PSIP1: variants seen among roughly 807,000 people sequenced by gnomAD.
The protein encoded by PSIP1 is PC4 and SRSF1 interacting protein 1.
Under a neutral mutation model 74.7 loss-of-function variants are expected in PSIP1, and 19 were observed. The observed-to-expected ratio is 0.25, with a 90% CI of 0.18 to 0.37. The LOEUF (loss-of-function observed/expected upper bound fraction) is 0.37, where lower values mean the gene tolerates loss of function less well. PSIP1 is among the 10% of genes least tolerant of loss of function. PSIP1 has a pLI of 1.00. For synonymous variants in PSIP1, 222 were observed against 195.3 expected (o/e 1.14, Z -1.14); for missense variants, 601 against 614.3 (o/e 0.98, Z 0.23).
chr9:15,473,920 A>C (rs948266031), intron 9 of PSIP1, 89 bp downstream of exon 9: 11 of 869,294 alleles, frequency 1.3e-5, no homozygotes, highest in African/African-American at 8.1e-5. Flanking sequence ...AAAAACAAAA[A>C]AAAAAACAAA....
intron 6 of PSIP1, among the ~76,000 whole-genome samples, chr9:15,483,486 T>G (rs551953617): frequency 1.3e-5 from 2 of 152,152 alleles, no homozygotes; most frequent in Non-Finnish European, 2.9e-5. Context: ...GCCAACTCCT[T>G]AGAAAGGCCT....
chr9:15,464,995 T>C lies in PSIP1; in HGVS notation c.*525A>G, dbSNP rs993004570. ...GGATAATGTAGCACAATGTAGACTG[T>C]GAGATTAAAATTAACTTTTGATAAA... On this transcript the variant is annotated 3_prime_UTR_variant, in exon 16 of 16. Coordinates refer to ENST00000380733, the MANE Select transcript of PSIP1 (RefSeq NM_033222.5). 7 of 219,298 alleles carry C rather than the reference T, an allele frequency of 3.2e-5. No homozygotes were observed. Among genetic ancestry groups the C allele is most frequent in the African/African-American group, 1.6e-4 (7 of 44,564 alleles). 13.6% of individuals were successfully genotyped at this position (219,298 alleles called of 1,614,324 possible). A position where few individuals can be genotyped will look rare whatever the true frequency, so the allele number is the denominator to read the frequency against.
chr9:15,497,490 C>G (rs1010508570), intron 3 of PSIP1, among the ~76,000 whole-genome samples: 1 of 151,980 alleles, frequency 6.6e-6, no homozygotes, highest in South Asian at 2.1e-4. Flanking sequence ...CCACGCCTGG[C>G]TACTTTTTAT....
chr9:15,508,389 C>G (rs1170397735), intron 2 of PSIP1, among the ~76,000 whole-genome samples: 5 of 152,146 alleles, frequency 3.3e-5, no homozygotes, highest in Admixed American at 3.3e-4. Context: ...AGGGAAAAGA[C>G]AAACACTTCC....
chr9:15,490,157 A>C, intron 3 of PSIP1, 33 bp from the exon 4 acceptor site: 3 of 1,537,078 alleles, frequency 2.0e-6, no homozygotes, highest in Non-Finnish European at 1.7e-6. Flanking sequence ...GTGAGTGCAA[A>C]GCAAGCTCAA....
In PSIP1 at chr9:15,464,699, A is replaced by AACTT. The variant is rs1054135967; in HGVS notation, c.*817_*820dup. On this transcript the variant is annotated 3_prime_UTR_variant, in exon 16 of 16. Transcript: ENST00000380733. ...TTTTTAACAACATTCCTCAAAAATA[A>AACTT]ACTTACTTAGTTTTCAGTTTTAGTT... 3.5e-5 allele frequency: 7 copies of AACTT among 199,314 alleles called. No individual in the cohort carries two copies. The highest frequency in any genetic ancestry group is 1.6e-4 in the East Asian group (2 of 12,672). The allele number at this position is 199,314 out of a possible 1,614,324, so 12.3% of individuals were successfully genotyped here.
intron 4 of PSIP1, among the ~76,000 whole-genome samples, chr9:15,487,735 A>C (rs2036616383): frequency 6.6e-6 from 1 of 152,222 alleles, no homozygotes; most frequent in Non-Finnish European, 1.5e-5. Flanking sequence ...GCCATTCAAC[A>C]AATATTTAGT....
At chr9:15,466,411 C>G (rs1169521868) in intron 15 of PSIP1, among the ~76,000 whole-genome samples, 1 of 152,140 alleles carries the variant, frequency 6.6e-6, no homozygotes, top group South Asian at 2.1e-4. Context: ...AACTGTGATT[C>G]TCCATCTAAC....
chr9:15,471,377 A>C (rs1184855833), intron 10 of PSIP1: 1 of 1,542,296 alleles, frequency 6.5e-7, no homozygotes, highest in African/African-American at 1.4e-5. Context: ...AGAATTTGAG[A>C]AAGTTACATT....
intron 6 of PSIP1, among the ~76,000 whole-genome samples, chr9:15,483,653 T>C (rs1206552887): frequency 6.6e-6 from 1 of 152,194 alleles, no homozygotes; most frequent in East Asian, 1.9e-4. Context: ...CCAGTAAAGT[T>C]AGTACTAAAA....
At chr9:15,508,002 C>T (rs748220131) in intron 2 of PSIP1, among the ~76,000 whole-genome samples, 2 of 152,184 alleles carry the variant, frequency 1.3e-5, no homozygotes, top group Non-Finnish European at 2.9e-5. Context: ...TTCTGTTAAC[C>T]CAGTTCATAT....
At chr9:15,496,922 C>G (rs1484834551) in intron 3 of PSIP1, among the ~76,000 whole-genome samples, 2 of 152,002 alleles carry the variant, frequency 1.3e-5, no homozygotes, top group African/African-American at 2.4e-5. Flanking sequence ...CAAATAATAA[C>G]AAGTGTTGGC....
intron 14 of PSIP1, among the ~76,000 whole-genome samples, chr9:15,467,988 C>T (rs919525563): frequency 3.9e-5 from 6 of 151,990 alleles, no homozygotes; most frequent in African/African-American, 1.2e-4. Context: ...GGTGTGGTGG[C>T]GTATGCCTGT....
chr9:15,474,449 A>ACT (rs1294402426), intron 8 of PSIP1, among the ~76,000 whole-genome samples: 10 of 152,208 alleles, frequency 6.6e-5, no homozygotes, highest in Non-Finnish European at 1.5e-4. Context: ...CTCTTATGGA[A>ACT]CTTAAATTCT....
At chr9:15,496,077 A>G (rs1485802385) in intron 3 of PSIP1, among the ~76,000 whole-genome samples, 2 of 152,224 alleles carry the variant, frequency 1.3e-5, no homozygotes, top group African/African-American at 2.4e-5. Flanking sequence ...TGAGAAACCA[A>G]TGCATGGTGA....
chr9:15,493,647 G>C (rs751713288), intron 3 of PSIP1, among the ~76,000 whole-genome samples: 6 of 152,276 alleles, frequency 3.9e-5, no homozygotes, highest in Non-Finnish European at 8.8e-5. Context: ...GCATGGCTGG[G>C]GAGGCCTCAG....
intron 6 of PSIP1, 103 bp downstream of exon 6, chr9:15,485,903 A>C: frequency 9.4e-7 from 1 of 1,068,814 alleles, no homozygotes; most frequent in Non-Finnish European, 1.4e-6. Flanking sequence ...AGGGTTTAGA[A>C]TAAAAGCTGA....
intron 3 of PSIP1, among the ~76,000 whole-genome samples, chr9:15,504,631 G>A (rs1166284039): frequency 6.6e-6 from 1 of 151,932 alleles, no homozygotes; most frequent in Non-Finnish European, 1.5e-5. Context: ...CAGCTACTCG[G>A]GAGGCTGAGG....
At chr9:15,504,864 A>G (rs1310256837) in intron 3 of PSIP1, 1 of 152,110 alleles carries the variant, frequency 6.6e-6, no homozygotes, top group African/African-American at 2.4e-5. Flanking sequence ...CCAAACTTCA[A>G]CGTAAATCAG....
Sources: gnomAD v4.1 joint callset for allele counts (sites outside exome capture counted in the v4.1 genomes callset) on GRCh38, gnomAD v4.1.1 for gene constraint, MANE v1.5 for transcripts, NCBI Gene and HGNC (gene_info 2026-07-23, HGNC 2026-07-21) for gene names.